The following NEK7 variants were observed in gnomAD, a reference collection of about 807,000 sequenced individuals.
NEK7 encodes the protein serine/threonine-protein kinase Nek7.
A neutral mutation model predicts 44.6 loss-of-function variants in NEK7; 18 were observed. The observed-to-expected ratio is 0.40, with a 90% CI of 0.28 to 0.60. The LOEUF is 0.60. NEK7 is among the 20% of genes least tolerant of loss of function. The probability of loss-of-function intolerance (pLI) is 0.38; values close to 1 mark genes in which losing one functional copy is unlikely to be tolerated. For synonymous variants in NEK7, 130 were observed against 121.1 expected (o/e 1.07, Z -0.48); for missense variants, 256 against 366.5 (o/e 0.70, Z 2.46).
At chr1:198,286,682 C>T (rs1654380969) in intron 7 of NEK7, among the ~76,000 whole-genome samples, 1 of 152,204 alleles carries the variant, frequency 6.6e-6, no homozygotes, top group African/African-American at 2.4e-5. Context: ...ACCAGGCTAA[C>T]ATCAAGGTAT....
chr1:198,244,755 C>T (rs1382163500), intron 2 of NEK7, among the ~76,000 whole-genome samples: 1 of 151,726 alleles, frequency 6.6e-6, no homozygotes, highest in Non-Finnish European at 1.5e-5. Flanking sequence ...TTAGTTCTTT[C>T]GAATACATTC....
intron 9 of NEK7, among the ~76,000 whole-genome samples, chr1:198,318,174 A>C (rs1655431617): frequency 1.3e-5 from 2 of 152,164 alleles, no homozygotes; most frequent in South Asian, 4.1e-4. Context: ...AACAGCCCTT[A>C]TAGGTCATCC....
At chr1:198,160,829 A>C (rs1056360450) in intron 1 of NEK7, among the ~76,000 whole-genome samples, 6 of 152,200 alleles carry the variant, frequency 3.9e-5, no homozygotes, top group African/African-American at 1.4e-4. Flanking sequence ...AAAACTTCTA[A>C]ACTGCTGAAT....
chr1:198,269,689 C>T (rs1653776035), intron 5 of NEK7, among the ~76,000 whole-genome samples: 1 of 151,946 alleles, frequency 6.6e-6, no homozygotes, highest in Non-Finnish European at 1.5e-5. Context: ...CAGAAATGAA[C>T]CTCTGGATAG....
chr1:198,231,310 T>TATATATATAC lies in NEK7; in HGVS notation c.-28-1234_-28-1233insCATATATATA, dbSNP rs1259246162. On this transcript the variant is annotated intron_variant, in intron 1 of 9. Transcript: ENST00000367385. ...ACGTGTATGTGTGTGTGTATATATA[T>TATATATATAC]ATATATATATATATATATATATATA... 7.0e-5 allele frequency among the ~76,000 whole-genome samples: 7 copies of TATATATATAC among 100,636 alleles called. 1 individual carries two copies. The highest frequency in any genetic ancestry group is 3.4e-4 in the African/African-American group (7 of 20,440). 66.0% of individuals were successfully genotyped at this position (100,636 alleles called of 152,430 possible). A position where few individuals can be genotyped will look rare whatever the true frequency, so the allele number is the denominator to read the frequency against.
intron 1 of NEK7, among the ~76,000 whole-genome samples, chr1:198,157,550 AAG>A (rs558464801): frequency 5.3e-5 from 8 of 152,316 alleles, no homozygotes; most frequent in African/African-American, 1.9e-4. Flanking sequence ...CGCGGTAACT[AAG>A]AAACTCCGTG....
intron 1 of NEK7, among the ~76,000 whole-genome samples, chr1:198,166,051 T>C (rs1174634306): frequency 6.6e-6 from 1 of 152,232 alleles, no homozygotes; most frequent in Admixed American, 6.5e-5. Flanking sequence ...ACTCTCAGCC[T>C]TCACAGAGCT....
intron 1 of NEK7, among the ~76,000 whole-genome samples, chr1:198,176,096 A>C: frequency 6.6e-6 from 1 of 152,144 alleles, no homozygotes; most frequent in Non-Finnish European, 1.5e-5. Context: ...TGATGGTTAG[A>C]CCTGTAGTCT....
intron 2 of NEK7, among the ~76,000 whole-genome samples, chr1:198,239,503 T>C (rs1428147230): frequency 6.6e-6 from 1 of 152,114 alleles, no homozygotes; most frequent in Non-Finnish European, 1.5e-5. Context: ...ATGACAGAGA[T>C]CCTAAGAAAA....
chr1:198,263,020 T>A (rs566846385), intron 4 of NEK7, among the ~76,000 whole-genome samples: 1 of 151,986 alleles, frequency 6.6e-6, no homozygotes, highest in East Asian at 1.9e-4. Context: ...ATCAAAATGG[T>A]TCACATGCAT....
At position 198,256,702 on chromosome 1, in the gene NEK7, G is replaced by A. The variant is rs529865671; in HGVS notation, c.198+3522G>A. 5.9e-5 allele frequency among the ~76,000 whole-genome samples: 9 copies of A among 152,184 alleles called. No individual in the cohort carries two copies. The East Asian group carries it at 1.7e-3, about 29-fold the overall frequency. On this transcript the variant is annotated intron_variant, in intron 3 of 9. Coordinates refer to ENST00000367385, the MANE Select transcript of NEK7 (RefSeq NM_133494.3). Reference sequence around the variant, plus strand: ...TGAGACTCATGGGATTCTAGTGGGGGTACAACAAAGACACCTCTAACATAA... The same window carrying A: ...TGAGACTCATGGGATTCTAGTGGGGATACAACAAAGACACCTCTAACATAA...
At chr1:198,317,106 T>C (rs1655393475) in intron 9 of NEK7, among the ~76,000 whole-genome samples, 1 of 152,244 alleles carries the variant, frequency 6.6e-6, no homozygotes, top group African/African-American at 2.4e-5. Context: ...ATCAACAGAT[T>C]GATTCATAAA....
rs752669919 is a variant in NEK7 at position 198,262,606 on chromosome 1, C to T, written c.230C>T (p.Ala77Val). 6.3e-7 allele frequency: 1 copy of T among 1,596,166 alleles called. No individual in the cohort carries two copies. The highest frequency in any genetic ancestry group is 1.1e-5 in the South Asian group (1 of 89,646). The change falls in exon 4 of 10, where the codon GCT becomes GTT. Residue 77 changes from alanine (A) to valine (V), a missense_variant. Coordinates refer to ENST00000367385, the MANE Select transcript of NEK7 (RefSeq NM_133494.3). ...IFDLMDAKAR[A>V]DCIKEIDLLK... ...GATTTAATGGATGCCAAAGCACGTG[C>T]TGATTGCATCAAAGAAATAGATCTT...
At chr1:198,293,090 T>G (rs1040809857) in intron 8 of NEK7, 51 bp downstream of exon 8, 3 of 954,868 alleles carry the variant, frequency 3.1e-6, no homozygotes, top group Non-Finnish European at 3.4e-6. Flanking sequence ...ACTTAGTATA[T>G]TTCCTCTATC....
intron 1 of NEK7, among the ~76,000 whole-genome samples, chr1:198,162,511 A>T (rs1374211733): frequency 2.0e-5 from 3 of 152,210 alleles, no homozygotes; most frequent in Non-Finnish European, 4.4e-5. Context: ...AGTTGCCTTG[A>T]GGAGTAAATG....
In NEK7 at chr1:198,259,674, T is replaced by C. The variant is rs1653388103; in HGVS notation, c.199-2901T>C. Among the ~76,000 whole-genome samples, 3 of 152,180 alleles carry C rather than the reference T, an allele frequency of 2.0e-5. No individual in the cohort carries two copies. The South Asian group carries it at 6.2e-4, about 31-fold the overall frequency. ...TAATATCAAGTTCAAATTTTTCTGT[T>C]TCCATTAGTGTTTGTTTTATTGTTT... On this transcript the variant is annotated intron_variant, in intron 3 of 9. Coordinates refer to ENST00000367385, the MANE Select transcript of NEK7 (RefSeq NM_133494.3).
chr1:198,281,785 A>T (rs752967687), intron 7 of NEK7, among the ~76,000 whole-genome samples: 30 of 152,114 alleles, frequency 2.0e-4, no homozygotes, highest in Non-Finnish European at 8.8e-5. Context: ...TGCATTTTCA[A>T]TTGTCTATTC....
intron 1 of NEK7, among the ~76,000 whole-genome samples, chr1:198,196,638 A>G (rs1335251677): frequency 1.3e-5 from 2 of 152,222 alleles, no homozygotes; most frequent in Non-Finnish European, 2.9e-5. Context: ...ACTTTTTCTC[A>G]TAAAGAAAAC....
intron 9 of NEK7, among the ~76,000 whole-genome samples, chr1:198,317,873 A>ATTTTT (rs1410887023): frequency 1.6e-3 from 42 of 26,580 alleles, no homozygotes; most frequent in Non-Finnish European, 2.5e-3. Flanking sequence ...TACTGGATAT[A>ATTTTT]TTTATTTTTT....
Sources: allele counts gnomAD v4.1 joint callset (sites outside exome capture counted in the v4.1 genomes callset), GRCh38; gene constraint gnomAD v4.1.1; transcripts MANE v1.5; gene names NCBI Gene and HGNC (gene_info 2026-07-23, HGNC 2026-07-21).